TNXB: variants seen among roughly 807,000 people sequenced by gnomAD.
The protein encoded by TNXB is tenascin XB, also known as tenascin-X.
TNXB carries 183 observed loss-of-function variants against 340.5 expected under a neutral mutation model. The observed-to-expected ratio is 0.54, with a 90% CI of 0.48 to 0.61. TNXB has a LOEUF of 0.61. Ranked by LOEUF, TNXB falls within the 20% of genes least tolerant of loss-of-function variation. TNXB has a pLI of 0.00. For synonymous variants in TNXB, 2,121 were observed against 2,314.5 expected (o/e 0.92, Z 2.40); for missense variants, 4,613 against 5,446.4 (o/e 0.85, Z 4.82).
intron 4 of TNXB, 52 bp downstream of exon 4, chr6:32,095,024 C>A (rs1032346656): frequency 1.4e-6 from 2 of 1,435,070 alleles, no homozygotes; most frequent in African/African-American, 1.4e-5. Context: ...GTGAGCCCTG[C>A]CCCCCTGTCC....
In TNXB at chr6:32,085,884, T is replaced by C. The variant is rs1441189526; in HGVS notation, c.3014A>G (p.Glu1005Gly). 1.2e-6 allele frequency: 2 copies of C among 1,608,204 alleles called. No homozygotes were observed. The highest frequency in any genetic ancestry group is 1.3e-5 in the African/African-American group (1 of 74,900). Residue 1005 changes from glutamate (E) to glycine (G), a missense_variant, in exon 7 of 44, where the codon GAG becomes GGG. This residue lies in a region of TNXB where 4,327 missense variants were observed against 4,859.4 expected (regional missense o/e 0.89). Transcript: ENST00000644971. The surrounding 1 kb of genome is among the most constrained non-coding windows in gnomAD (Gnocchi z 6.4). ...GCGGACGTCCCCTGGCAGCACTTCC[T>C]CATGTGCCCCCGGCCCCTCGGGCAC... ...MRVPEGPGAHEEVLPGDVRQA... is the reference protein window; with the variant it reads ...MRVPEGPGAHGEVLPGDVRQA...
In TNXB at chr6:32,096,859, AGCCGG is replaced by A; in HGVS notation, c.989_993del (p.Pro330LeufsTer109). 8 of 1,607,616 alleles carry A rather than the reference AGCCGG, an allele frequency of 5.0e-6. No homozygotes were observed. Among genetic ancestry groups the A allele is most frequent in the Non-Finnish European group, 6.8e-6 (8 of 1,177,444 alleles). On this transcript the variant is annotated frameshift_variant, in exon 3 of 44. Transcript: ENST00000644971. LOFTEE classifies it high-confidence loss of function. ...CGCGTACCACAGTCCTCGCCAGTGT[AGCCGG>A]GGTCACACACGCAGCGCCCGTCCTT...
chr6:32,066,867 C>T (rs1299718174), intron 18 of TNXB, among the ~76,000 whole-genome samples: 3 of 152,018 alleles, frequency 2.0e-5, no homozygotes, highest in Non-Finnish European at 4.4e-5. Context: ...CCCAGGAGTT[C>T]GAGACTGGCC....
rs750030373 is a variant in TNXB, at chr6:32,052,789, CT to C, written c.8995del (p.Arg2999GlyfsTer39). 3 of 1,613,822 alleles carry C rather than the reference CT, an allele frequency of 1.9e-6. No individual in the cohort carries two copies. Among genetic ancestry groups the C allele is most frequent in the Admixed American group, 3.3e-5 (2 of 60,028 alleles). ...RDGRPQVVRV[R>X]GEESEVTVGG... ...CACGGTGACCTCGCTCTCCTCGCCCCTGACACGCACCACCTGGGGCCGCCCG... is the reference window on the plus strand; with the variant it reads ...CACGGTGACCTCGCTCTCCTCGCCCCGACACGCACCACCTGGGGCCGCCCG... On this transcript the variant is annotated frameshift_variant, in exon 26 of 44. Coordinates refer to ENST00000644971, the MANE Select transcript of TNXB (RefSeq NM_001365276.2). LOFTEE classifies it high-confidence loss of function. This position sits in a 1 kb window ranked among gnomAD's most constrained non-coding sequence, Gnocchi z 4.7.
rs759796577 is a variant in TNXB at position 32,056,174 on chromosome 6, G to T, written c.8144C>A (p.Ala2715Asp). ...GGGGCTGGGGGTCTCTTCCTCTGCA[G>T]CTGAGAAAAGGAGATATAGAGAGGA... is the stretch of plus-strand genomic sequence containing the variant. ...VGPISVIGVT[A>D]AEEETPSPTE... The change falls in exon 24 of 44, where the codon GCT becomes GAT. Residue 2715 changes from alanine (A) to aspartate (D), a missense_variant and splice_region_variant. This residue lies in a region of TNXB where 4,327 missense variants were observed against 4,859.4 expected (regional missense o/e 0.89). Transcript: ENST00000644971. The T allele has an allele frequency of 1.2e-6, 2 of 1,610,814 alleles. No homozygotes were observed. The highest frequency in any genetic ancestry group is 2.2e-5 in the South Asian group (2 of 91,030).
rs373894152 is a variant in TNXB, at chr6:32,044,143, A to C, written c.11264-14T>G. ...GGCTCTCCAGAACTGCAGAGGGGTC[A>C]AGGAACAATGACGCAGGCAGGGGCA... On this transcript the variant is annotated splice_polypyrimidine_tract_variant and intron_variant, in intron 33 of 43. Transcript: ENST00000644971. The C allele has an allele frequency of 6.8e-7, 1 of 1,479,734 alleles. No homozygotes were observed. Among genetic ancestry groups the C allele is most frequent in the Non-Finnish European group, 9.2e-7 (1 of 1,087,522 alleles). The allele number at this position is 1,479,734 out of a possible 1,614,324, so 91.7% of individuals were successfully genotyped here. A position where few individuals can be genotyped will look rare whatever the true frequency, so the allele number is the denominator to read the frequency against.
In TNXB at chr6:32,048,002, G is replaced by A; in HGVS notation, c.10056C>T (p.Thr3352=). The A allele has an allele frequency of 6.2e-7, 1 of 1,604,836 alleles. No homozygotes were observed. The highest frequency in any genetic ancestry group is 8.5e-7 in the Non-Finnish European group (1 of 1,175,540). Residue 3352 remains threonine, a synonymous_variant, in exon 30 of 44, where the codon ACC becomes ACT. Transcript: ENST00000644971. Reference sequence around the variant, plus strand: ...GCTCCCCCAGGCGGGGAGACGGTTTGGTGTCTGGGGCTGGAAAAGACAGTG... The same window carrying A: ...GCTCCCCCAGGCGGGGAGACGGTTTAGTGTCTGGGGCTGGAAAAGACAGTG... ...VPVEARTAPD[T]KPSPRLGELT...
At position 32,073,736 on chromosome 6, in the gene TNXB, T is replaced by C; in HGVS notation, c.4592A>G (p.Asn1531Ser). 1 of 1,612,304 alleles carries C rather than the reference T, an allele frequency of 6.2e-7. No individual in the cohort carries two copies. The highest frequency in any genetic ancestry group is 8.5e-7 in the Non-Finnish European group (1 of 1,179,516). ...AADQREVTVYNLEPERKYKMN... is the reference protein window; with the variant it reads ...AADQREVTVYSLEPERKYKMN... The stretch of plus-strand genomic sequence containing the variant: ...CTTATATTTTCTCTCAGGCTCCAGG[T>C]TGTAGACTGTGACCTCTCGCTGGTC... The change falls in exon 12 of 44, where the codon AAC becomes AGC. Residue 1531 changes from asparagine (N) to serine (S), a missense_variant. By Grantham distance (46) the Asn-to-Ser change is conservative (BLOSUM62 1). Around this residue, in one of 7 missense-constraint regions of TNXB, gnomAD observed 4,327 missense variants for 4,859.4 expected, o/e 0.89. Coordinates refer to ENST00000644971, the MANE Select transcript of TNXB (RefSeq NM_001365276.2). This position sits in a 1 kb window ranked among gnomAD's most constrained non-coding sequence, Gnocchi z 4.6.
At position 32,069,362 on chromosome 6, in the gene TNXB, C is replaced by T. The variant is rs1010535073; in HGVS notation, c.5587+191G>A. Among the ~76,000 whole-genome samples the T allele has an allele frequency of 6.6e-6, 1 of 152,204 alleles. No individual in the cohort carries two copies. The highest frequency in any genetic ancestry group is 1.5e-5 in the Non-Finnish European group (1 of 68,048). On this transcript the variant is annotated intron_variant, in intron 15 of 43. Transcript: ENST00000644971. The surrounding 1 kb of genome is among the most constrained non-coding windows in gnomAD (Gnocchi z 6.2). ...ACATGGAGAGTCAAAATGCTGTCTC[C>T]AGGATGATCGAAAGCAGACAGTGGT... is the stretch of plus-strand genomic sequence containing the variant.
intron 23 of TNXB, 74 bp downstream of exon 23, chr6:32,056,512 C>T: frequency 1.3e-6 from 2 of 1,565,258 alleles, no homozygotes; most frequent in East Asian, 2.4e-5. Flanking sequence ...GCCCATTCCC[C>T]ACCAGTCATC....
rs1778894341 is a variant in TNXB, at chr6:32,073,532, G to A, written c.4681+115C>T. 5.5e-6 allele frequency: 5 copies of A among 909,548 alleles called. No individual in the cohort carries two copies. Among genetic ancestry groups the A allele is most frequent in the Non-Finnish European group, 8.2e-6 (5 of 607,140 alleles). 56.3% of individuals were successfully genotyped at this position (909,548 alleles called of 1,614,324 possible). A position where few individuals can be genotyped will look rare whatever the true frequency, so the allele number is the denominator to read the frequency against. ...AGGGTCACCGAGCCAGGGCCTGAGG[G>A]GATCTAGCCCCTCAGTGAGGGTGCG... is the stretch of plus-strand genomic sequence containing the variant. On this transcript the variant is annotated intron_variant, in intron 12 of 43. Coordinates refer to ENST00000644971, the MANE Select transcript of TNXB (RefSeq NM_001365276.2). This position sits in a 1 kb window ranked among gnomAD's most constrained non-coding sequence, Gnocchi z 4.6.
chr6:32,058,099 T>A lies in TNXB; in HGVS notation c.7784A>T (p.Glu2595Val), dbSNP rs1053418415. 38 of 1,610,772 alleles carry A rather than the reference T, an allele frequency of 2.4e-5. No homozygotes were observed. The Admixed American group carries it at 4.3e-4, about 18-fold the overall frequency. Reference sequence around the variant, plus strand: ...AGACACCGGGCCCAGGCGCCGCCCCTCGTGGAGGCCGTACAGGTGCATCTT... The same window carrying A: ...AGACACCGGGCCCAGGCGCCGCCCCACGTGGAGGCCGTACAGGTGCATCTT... ...KYKMHLYGLH[E>V]GRRLGPVSAV... Residue 2595 changes from glutamate to valine, a missense_variant, in exon 22 of 44, where the codon GAG (glutamate) becomes GTG (valine). Transcript: ENST00000644971. The surrounding 1 kb of genome is among the most constrained non-coding windows in gnomAD (Gnocchi z 5.1).
rs767560143 is a variant in TNXB at position 32,046,282 on chromosome 6, C to T, written c.10499G>A (p.Arg3500His). Residue 3500 changes from arginine (R) to histidine (H), a missense_variant, in exon 31 of 44, where the codon CGC (arginine) becomes CAC (histidine). Coordinates refer to ENST00000644971, the MANE Select transcript of TNXB (RefSeq NM_001365276.2). This position sits in a 1 kb window ranked among gnomAD's most constrained non-coding sequence, Gnocchi z 6.9. ...CTCCAGGTCCTCTACGGTGACTGTG[C>T]GCTGGTCTGCGGCCACAGGCACTGC... is the stretch of plus-strand genomic sequence containing the variant. ...PRAVPVAADQRTVTVEDLEPG... is the reference protein window; with the variant it reads ...PRAVPVAADQHTVTVEDLEPG... 40 of 1,606,522 alleles carry T rather than the reference C, an allele frequency of 2.5e-5. No homozygotes were observed. Among genetic ancestry groups the T allele is most frequent in the African/African-American group, 4.0e-5 (3 of 74,890 alleles).
rs762653609 is a variant in TNXB, at chr6:32,056,842, A to G, written c.7887T>C (p.Pro2629=). Residue 2629 remains proline (P), a synonymous_variant, in exon 23 of 44, where the codon CCT becomes CCC. Coordinates refer to ENST00000644971, the MANE Select transcript of TNXB (RefSeq NM_001365276.2). ...PTMTPEPPIK[P]RLGELTMTDA... is the part of the protein sequence containing the mutation. ...CTGTCATGGTCAGCTCCCCCAGGCG[A>G]GGCTTGATGGGGGGCTCAGGGGTCA... 6.0e-5 allele frequency: 97 copies of G among 1,612,782 alleles called. 1 individual carries two copies. The highest frequency in any genetic ancestry group is 3.4e-6 in the Non-Finnish European group (4 of 1,179,766).
chr6:32,097,791 C>G lies in TNXB; in HGVS notation c.403+5G>C, dbSNP rs2127293988. The G allele has an allele frequency of 6.7e-7, 1 of 1,500,984 alleles. No individual in the cohort carries two copies. The highest frequency in any genetic ancestry group is 1.8e-4 in the Middle Eastern group (1 of 5,564). 93.0% of individuals were successfully genotyped at this position (1,500,984 alleles called of 1,614,324 possible). A position where few individuals can be genotyped will look rare whatever the true frequency, so the allele number is the denominator to read the frequency against. On this transcript the variant is annotated splice_donor_5th_base_variant and intron_variant, in intron 2 of 43. Coordinates refer to ENST00000644971, the MANE Select transcript of TNXB (RefSeq NM_001365276.2). The surrounding 1 kb of genome is among the most constrained non-coding windows in gnomAD (Gnocchi z 5.9). ...CTCCACCCTCTTCTGTGATCACCTG[C>G]TCACCTGTGCCAGCTTGGGCAGAGG...
Position 32,087,107 on chromosome 6 carries a change from GC to G in TNXB, c.2780-990del. On this transcript the variant is annotated intron_variant, in intron 6 of 43. Transcript: ENST00000644971. This position sits in a 1 kb window ranked among gnomAD's most constrained non-coding sequence, Gnocchi z 9.0. ...AATGGACTCGTGCTTTGTCCTGGGG[GC>G]CCCCTGGAGCCCCGGCCAGGTAGGG... 5.2e-6 allele frequency: 2 copies of G among 384,588 alleles called. No individual in the cohort carries two copies. The highest frequency in any genetic ancestry group is 1.0e-5 in the Non-Finnish European group (2 of 190,798). The allele number at this position is 384,588 out of a possible 1,614,324, so 23.8% of individuals were successfully genotyped here.
chr6:32,077,745 G>A (rs943138102), intron 11 of TNXB, among the ~76,000 whole-genome samples: 12 of 152,354 alleles, frequency 7.9e-5, no homozygotes, highest in African/African-American at 2.4e-4. Context: ...AAAGCCTTGT[G>A]GCCGGGCGTG....
chr6:32,097,520 T>A lies in TNXB; in HGVS notation c.404-71A>T. The A allele has an allele frequency of 1.3e-6, 2 of 1,518,506 alleles. No individual in the cohort carries two copies. Among genetic ancestry groups the A allele is most frequent in the East Asian group, 4.5e-5 (2 of 44,098 alleles). 94.1% of individuals were successfully genotyped at this position (1,518,506 alleles called of 1,614,324 possible). Reference sequence around the variant, plus strand: ...AGAGGCTGAGCCTATGTAGTGCTCCTATGTGCAGGCCCCTAGCCAGGCTAG... The same window carrying A: ...AGAGGCTGAGCCTATGTAGTGCTCCAATGTGCAGGCCCCTAGCCAGGCTAG... On this transcript the variant is annotated intron_variant, in intron 2 of 43. Coordinates refer to ENST00000644971, the MANE Select transcript of TNXB (RefSeq NM_001365276.2). The surrounding 1 kb of genome is among the most constrained non-coding windows in gnomAD (Gnocchi z 5.9).
chr6:32,071,973 G>C lies in TNXB; in HGVS notation c.4990+17C>G, dbSNP rs752620552. The C allele has an allele frequency of 1.3e-5, 21 of 1,579,180 alleles. No individual in the cohort carries two copies. The South Asian group carries it at 2.5e-4, about 19-fold the overall frequency. Reference sequence around the variant, plus strand: ...AGGCTGTGGCCTCAGGCTCAGCTGTGTAGGGGCCCATCTCACCCGTCTTTG... The same window carrying C: ...AGGCTGTGGCCTCAGGCTCAGCTGTCTAGGGGCCCATCTCACCCGTCTTTG... On this transcript the variant is annotated intron_variant, in intron 13 of 43. Transcript: ENST00000644971.
Sources: allele counts gnomAD v4.1 joint callset (sites outside exome capture counted in the v4.1 genomes callset), GRCh38; gene constraint gnomAD v4.1.1; regional missense constraint gnomAD v4.1.1; non-coding constraint Gnocchi (gnomAD v3.1); transcripts MANE v1.5; gene names NCBI Gene and HGNC (gene_info 2026-07-23, HGNC 2026-07-21).